The following HDAC11 variants were observed in gnomAD, a reference collection of about 807,000 sequenced individuals.
HDAC11 encodes histone deacetylase 11.
Under a neutral mutation model 41.1 loss-of-function variants are expected in HDAC11, and 23 were observed. The observed-to-expected ratio is 0.56, with a 90% CI of 0.40 to 0.79. HDAC11 has a LOEUF of 0.79. HDAC11 is among the 30% of genes least tolerant of loss of function. HDAC11 has a pLI of 0.00. For synonymous variants in HDAC11, 187 were observed against 186.6 expected (o/e 1.00, Z -0.02); for missense variants, 402 against 477.3 (o/e 0.84, Z 1.47).
intron 9 of HDAC11, 71 bp from the exon 10 acceptor site, chr3:13,504,397 G>C (rs1409437274): frequency 1.3e-6 from 2 of 1,596,438 alleles, no homozygotes; most frequent in East Asian, 2.2e-5. Flanking sequence ...AGCAGGGCTA[G>C]CCCTGCAGCA....
chr3:13,489,047 GTA>G (rs1197816234), intron 3 of HDAC11, among the ~76,000 whole-genome samples: 2 of 151,972 alleles, frequency 1.3e-5, no homozygotes, highest in Non-Finnish European at 2.9e-5. Flanking sequence ...TTGGCTATTT[GTA>G]TATGTCATTT....
chr3:13,497,161 C>T (rs1013234496), intron 4 of HDAC11, among the ~76,000 whole-genome samples: 1 of 152,008 alleles, frequency 6.6e-6, no homozygotes, highest in Non-Finnish European at 1.5e-5. Context: ...CACACCCCCT[C>T]ACCAGTTTTT....
In HDAC11 at chr3:13,502,786, C is replaced by T. The variant is rs1702431609; in HGVS notation, c.553-98C>T. 2.3e-6 allele frequency: 2 copies of T among 870,174 alleles called. No homozygotes were observed. The highest frequency in any genetic ancestry group is 1.5e-5 in the South Asian group (1 of 68,828). 53.9% of individuals were successfully genotyped at this position (870,174 alleles called of 1,614,324 possible). On this transcript the variant is annotated intron_variant, in intron 7 of 9. Coordinates refer to ENST00000295757, the MANE Select transcript of HDAC11 (RefSeq NM_024827.4). This position sits in a 1 kb window ranked among gnomAD's most constrained non-coding sequence, Gnocchi z 4.1. ...GCCCCCGAGAGCAGGCCGTGCTGCC[C>T]TGGCAAATGGGGAGTTTCCTGAGGG...
In HDAC11 at chr3:13,504,507, C is replaced by G; in HGVS notation, c.868C>G (p.Arg290Gly). The stretch of plus-strand genomic sequence containing the variant: ...GGATGAGCTGGTGTTCCGGATGGTC[C>G]GTGGCCGCCGGGTGCCCATCCTTAT... ...KRDELVFRMV[R>G]GRRVPILMVT... is the part of the protein sequence containing the mutation. The change falls in exon 10 of 10, where the codon CGT becomes GGT. Residue 290 changes from arginine (R) to glycine (G), a missense_variant. Transcript: ENST00000295757. The G allele has an allele frequency of 6.2e-7, 1 of 1,613,448 alleles. No homozygotes were observed. The highest frequency in any genetic ancestry group is 8.5e-7 in the Non-Finnish European group (1 of 1,180,022).
chr3:13,505,911 A>T lies in HDAC11; in HGVS notation c.*1228A>T, dbSNP rs568725858. 7.2e-5 allele frequency: 11 copies of T among 152,400 alleles called. No homozygotes were observed. Among genetic ancestry groups the T allele is most frequent in the African/African-American group, 2.6e-4 (11 of 41,544 alleles). 9.4% of individuals were successfully genotyped at this position (152,400 alleles called of 1,614,324 possible). On this transcript the variant is annotated 3_prime_UTR_variant, in exon 10 of 10. Transcript: ENST00000295757. Reference sequence around the variant, plus strand: ...CTGCTAGCCGGCAGCTGTGGCCCTGATCAAATCAGGGGCTGGGGAGGGAAA... The same window carrying T: ...CTGCTAGCCGGCAGCTGTGGCCCTGTTCAAATCAGGGGCTGGGGAGGGAAA...
At chr3:13,499,034 C>T (rs1290456451) in intron 5 of HDAC11, among the ~76,000 whole-genome samples, 1 of 151,840 alleles carries the variant, frequency 6.6e-6, no homozygotes, top group African/African-American at 2.4e-5. Context: ...GTCCAGAGGG[C>T]CCGTGCTCCC....
Position 13,504,815 on chromosome 3 carries a change from G to A in HDAC11, c.*132G>A, listed in dbSNP as rs1044095700. 1.4e-5 allele frequency: 11 copies of A among 801,100 alleles called. No homozygotes were observed. In the African/African-American group the frequency reaches 1.5e-4, roughly 11 times the overall value. 49.6% of individuals were successfully genotyped at this position (801,100 alleles called of 1,614,324 possible). A position where few individuals can be genotyped will look rare whatever the true frequency, so the allele number is the denominator to read the frequency against. ...GCAGGGCCATCCCTGGCTGGGGCCT[G>A]GAGCTGGCCCTTCCTCTACTTTTCC... On this transcript the variant is annotated 3_prime_UTR_variant, in exon 10 of 10. Transcript: ENST00000295757.
intron 3 of HDAC11, among the ~76,000 whole-genome samples, chr3:13,494,879 T>C (rs1345640295): frequency 6.6e-6 from 1 of 152,100 alleles, no homozygotes; most frequent in African/African-American, 2.4e-5. Flanking sequence ...ACTTAGGGTG[T>C]GTCCTGCCTT....
At chr3:13,487,566 T>C (rs113559956) in intron 3 of HDAC11, among the ~76,000 whole-genome samples, 4 of 152,336 alleles carry the variant, frequency 2.6e-5, no homozygotes, top group African/African-American at 7.2e-5. Context: ...TGAGGGTAGC[T>C]GTTGAGCTCC....
Position 13,503,992 on chromosome 3 carries a change from A to T in HDAC11, c.650-102A>T, listed in dbSNP as rs566229572. 5.3e-4 allele frequency: 585 copies of T among 1,108,872 alleles called. 2 individuals are homozygous for T. The highest frequency in any genetic ancestry group is 7.1e-4 in the Non-Finnish European group (539 of 761,970). The allele number at this position is 1,108,872 out of a possible 1,614,324, so 68.7% of individuals were successfully genotyped here. A position where few individuals can be genotyped will look rare whatever the true frequency, so the allele number is the denominator to read the frequency against. ...GTGGAATGAGGCTGAGCAGTGCTGAATCTGACAGACCAGTTTCCAGTCTTG... is the reference window on the plus strand; with the variant it reads ...GTGGAATGAGGCTGAGCAGTGCTGATTCTGACAGACCAGTTTCCAGTCTTG... On this transcript the variant is annotated intron_variant, in intron 8 of 9. Coordinates refer to ENST00000295757, the MANE Select transcript of HDAC11 (RefSeq NM_024827.4).
chr3:13,483,457 G>T lies in HDAC11; in HGVS notation c.152-7G>T. 6.2e-7 allele frequency: 1 copy of T among 1,613,240 alleles called. No individual in the cohort carries two copies. The highest frequency in any genetic ancestry group is 1.1e-5 in the South Asian group (1 of 91,070). On this transcript the variant is annotated splice_polypyrimidine_tract_variant and splice_region_variant and intron_variant, in intron 2 of 9. Coordinates refer to ENST00000295757, the MANE Select transcript of HDAC11 (RefSeq NM_024827.4). ...GGGGAAGCAGGATGCTCCCTCTGTG[G>T]TTTCAGAAGAGAAGCTTCTGTCTGA...
At position 13,481,213 on chromosome 3, in the gene HDAC11, C is replaced by T. The variant is rs202207158; in HGVS notation, c.3-33C>T. 5 of 1,601,458 alleles carry T rather than the reference C, an allele frequency of 3.1e-6. No homozygotes were observed. In the South Asian group the frequency reaches 3.3e-5, roughly 11 times the overall value. The stretch of plus-strand genomic sequence containing the variant: ...GGAGCTGCTTTCTGCCGAGGCTGCC[C>T]CAGCTGTGCGTCTGTCTTTTTCCAC... On this transcript the variant is annotated intron_variant, in intron 1 of 9. Transcript: ENST00000295757.
At chr3:13,491,238 T>C (rs923341773) in intron 3 of HDAC11, among the ~76,000 whole-genome samples, 2 of 152,064 alleles carry the variant, frequency 1.3e-5, no homozygotes, top group Non-Finnish European at 2.9e-5. Context: ...TCCAGTACTA[T>C]GTTAAATAGC....
chr3:13,484,059 G>T (rs1266923025), intron 3 of HDAC11, among the ~76,000 whole-genome samples: 1 of 151,738 alleles, frequency 6.6e-6, no homozygotes, highest in African/African-American at 2.4e-5. Context: ...CCGGGTTCAA[G>T]CAATTATCCT....
chr3:13,490,294 C>A (rs1701790445), intron 3 of HDAC11, among the ~76,000 whole-genome samples: 1 of 152,076 alleles, frequency 6.6e-6, no homozygotes, highest in South Asian at 2.1e-4. Context: ...GCCCAGCCAA[C>A]TTTGTTCTTT....
At chr3:13,488,020 T>C (rs1387387570) in intron 3 of HDAC11, among the ~76,000 whole-genome samples, 1 of 150,714 alleles carries the variant, frequency 6.6e-6, no homozygotes, top group Non-Finnish European at 1.5e-5. Flanking sequence ...GAGTGGGTGA[T>C]GTGGTCATCT....
At position 13,480,570 on chromosome 3, in the gene HDAC11, C is replaced by CGGGCCT. The variant is rs1260994977; in HGVS notation, c.2+227_2+232dup. ...TGGCCCGAGGGACGCGCGCCGGCCG[C>CGGGCCT]GGGCCTGGGCCCGGACCCGGAGCGG... On this transcript the variant is annotated intron_variant, in intron 1 of 9. Coordinates refer to ENST00000295757, the MANE Select transcript of HDAC11 (RefSeq NM_024827.4). The surrounding 1 kb of genome is among the most constrained non-coding windows in gnomAD (Gnocchi z 4.6). The CGGGCCT allele has an allele frequency of 3.0e-5, 9 of 304,662 alleles. No homozygotes were observed. Among genetic ancestry groups the CGGGCCT allele is most frequent in the Admixed American group, 1.6e-4 (3 of 19,186 alleles). 18.9% of individuals were successfully genotyped at this position (304,662 alleles called of 1,614,324 possible). A position where few individuals can be genotyped will look rare whatever the true frequency, so the allele number is the denominator to read the frequency against.
At chr3:13,487,403 G>A (rs115709231) in intron 3 of HDAC11, among the ~76,000 whole-genome samples, 3,387 of 152,298 alleles carry the variant, frequency 0.022, 57 homozygotes, top group Non-Finnish European at 0.031. Context: ...CCTGCCTGGG[G>A]CTCATGCCTG....
At chr3:13,486,733 A>G (rs1269370521) in intron 3 of HDAC11, among the ~76,000 whole-genome samples, 1 of 151,992 alleles carries the variant, frequency 6.6e-6, no homozygotes, top group Non-Finnish European at 1.5e-5. Flanking sequence ...ACCTGCCACC[A>G]TGCCCGGCTA....
Sources: gnomAD v4.1 joint callset for allele counts (sites outside exome capture counted in the v4.1 genomes callset) on GRCh38, gnomAD v4.1.1 for gene constraint, Gnocchi (gnomAD v3.1) non-coding constraint, MANE v1.5 for transcripts, NCBI Gene and HGNC (gene_info 2026-07-23, HGNC 2026-07-21) for gene names.